CSMD1: variants seen among roughly 807,000 people sequenced by gnomAD.
The protein encoded by CSMD1 is CUB and sushi domain-containing protein 1.
Under a neutral mutation model 417.5 loss-of-function variants are expected in CSMD1, and 213 were observed. The ratio of observed to expected loss-of-function variants is 0.51; its 90% confidence interval spans 0.46 to 0.57. CSMD1 has a LOEUF of 0.57. Ranked by LOEUF, CSMD1 falls within the 20% of genes least tolerant of loss-of-function variation. The probability of loss-of-function intolerance (pLI) is 0.00; values close to 1 mark genes in which losing one functional copy is unlikely to be tolerated. For synonymous variants in CSMD1, 2,862 were observed against 1,736.8 expected, an observed-to-expected ratio of 1.65 and a Z score of -16.11; for missense variants, 6,923 against 4,529.7, an observed-to-expected ratio of 1.53 and a Z score of -15.17.
intron 1 of CSMD1, among the ~76,000 whole-genome samples, chr8:4,664,870 A>T (rs1471960109): frequency 6.6e-6 from 1 of 152,204 alleles, no homozygotes; most frequent in Non-Finnish European, 1.5e-5. Context: ...TATAAAACAC[A>T]ATGTATATAT....
intron 3 of CSMD1, among the ~76,000 whole-genome samples, chr8:4,163,073 T>C (rs1308195485): frequency 6.6e-6 from 1 of 152,212 alleles, no homozygotes; most frequent in Non-Finnish European, 1.5e-5. Flanking sequence ...TCGGTTAATT[T>C]TGTTTTAGCA....
At position 3,454,056 on chromosome 8, in the gene CSMD1, C is replaced by A. The variant is rs924672387; in HGVS notation, c.1561+14656G>T. Among the ~76,000 whole-genome samples the A allele has an allele frequency of 4.8e-4, 73 of 152,114 alleles. 2 individuals carry two copies. The highest frequency in any genetic ancestry group is 5.9e-4 in the Admixed American group (9 of 15,276). On this transcript the variant is annotated intron_variant, in intron 12 of 69. Transcript: ENST00000635120. ...TCTTCTTGTTGAATTGATCCCTTTACCATTATGTAATGGCCTTCTTTGTCT... is the reference window on the plus strand; with the variant it reads ...TCTTCTTGTTGAATTGATCCCTTTAACATTATGTAATGGCCTTCTTTGTCT...
At chr8:4,654,961 G>A (rs750360587) in intron 1 of CSMD1, among the ~76,000 whole-genome samples, 2 of 150,312 alleles carry the variant, frequency 1.3e-5, no homozygotes, top group Non-Finnish European at 2.9e-5. Flanking sequence ...ACAAAAGTTA[G>A]TATTTTTTAA....
Position 4,413,000 on chromosome 8 carries a change from A to AT in CSMD1, c.415+6952dup. 2.0e-5 allele frequency among the ~76,000 whole-genome samples: 3 copies of AT among 152,318 alleles called. No individual in the cohort carries two copies. The Middle Eastern group carries it at 0.01, about 518-fold the overall frequency. On this transcript the variant is annotated intron_variant, in intron 3 of 69. Coordinates refer to ENST00000635120, the MANE Select transcript of CSMD1 (RefSeq NM_033225.6). ...TCTTTATCTTTTCAGTAGTTATGAG[A>AT]TTTTTGACAACTTGAAGTCTATACA... is the stretch of plus-strand genomic sequence containing the variant.
intron 10 of CSMD1, among the ~76,000 whole-genome samples, chr8:3,525,400 T>G (rs1797712105): frequency 6.6e-6 from 1 of 152,152 alleles, no homozygotes; most frequent in African/African-American, 2.4e-5. Context: ...TTCAAGGTAA[T>G]CATAGTAATA....
chr8:3,618,104 C>T (rs971580773), intron 7 of CSMD1, among the ~76,000 whole-genome samples: 4 of 151,998 alleles, frequency 2.6e-5, no homozygotes, highest in East Asian at 1.9e-4. Context: ...CAGGATCAAG[C>T]GATACTCCCG....
chr8:3,938,011 C>G (rs939567320), intron 5 of CSMD1, among the ~76,000 whole-genome samples: 4 of 152,004 alleles, frequency 2.6e-5, no homozygotes, highest in Non-Finnish European at 4.4e-5. Flanking sequence ...ACTATAAAAC[C>G]CAGCATCTAA....
At chr8:4,198,600 G>A (rs568749687) in intron 3 of CSMD1, among the ~76,000 whole-genome samples, 43 of 152,212 alleles carry the variant, frequency 2.8e-4, no homozygotes, top group African/African-American at 9.2e-4. Flanking sequence ...TGATTTTAAC[G>A]TAATGAGTCT....
intron 1 of CSMD1, among the ~76,000 whole-genome samples, chr8:4,950,371 G>C (rs1431877448): frequency 2.0e-5 from 3 of 152,216 alleles, no homozygotes; most frequent in Non-Finnish European, 2.9e-5. Context: ...AATAAGTAGA[G>C]GGTTAATTCA....
chr8:3,341,638 C>T (rs1418960149), intron 23 of CSMD1, among the ~76,000 whole-genome samples: 3 of 152,224 alleles, frequency 2.0e-5, no homozygotes, highest in South Asian at 2.1e-4. Flanking sequence ...CCCAGGCCAA[C>T]GTTTTCTGCT....
intron 44 of CSMD1, 60 bp from the exon 45 acceptor site, chr8:3,107,858 C>G: frequency 1.9e-6 from 2 of 1,071,366 alleles, no homozygotes; most frequent in South Asian, 1.4e-5. Flanking sequence ...ATAAACACAA[C>G]TATTACAAAA....
chr8:3,341,735 C>T (rs927815007), intron 23 of CSMD1, among the ~76,000 whole-genome samples: 3 of 152,080 alleles, frequency 2.0e-5, no homozygotes, highest in Admixed American at 1.3e-4. Flanking sequence ...GGAAGAACGC[C>T]GTAGGTGTGC....
intron 37 of CSMD1, among the ~76,000 whole-genome samples, chr8:3,165,825 C>G (rs778868951): frequency 6.6e-6 from 1 of 152,070 alleles, no homozygotes; most frequent in Non-Finnish European, 1.5e-5. Context: ...CAGGAGAACT[C>G]TGAGCTTTTT....
At chr8:4,237,842 A>G (rs1428751064) in intron 3 of CSMD1, among the ~76,000 whole-genome samples, 2 of 152,200 alleles carry the variant, frequency 1.3e-5, no homozygotes, top group Admixed American at 6.5e-5. Flanking sequence ...GGGAAGCTTT[A>G]TATTGTATTA....
At chr8:3,449,563 G>T (rs1815555772) in intron 12 of CSMD1, among the ~76,000 whole-genome samples, 2 of 151,668 alleles carry the variant, frequency 1.3e-5, no homozygotes, top group African/African-American at 2.4e-5. Context: ...TGTTGCCCAG[G>T]CTGGAGTGCA....
chr8:4,266,789 A>C (rs1317589556), intron 3 of CSMD1, among the ~76,000 whole-genome samples: 2 of 105,166 alleles, frequency 1.9e-5, no homozygotes, highest in East Asian at 5.1e-4. Context: ...CAGAGAATCT[A>C]GATGAAAACT....
intron 30 of CSMD1, among the ~76,000 whole-genome samples, chr8:3,212,005 A>G (rs1797640347): frequency 6.6e-6 from 1 of 152,080 alleles, no homozygotes; most frequent in African/African-American, 2.4e-5. Flanking sequence ...TGCCCACCTC[A>G]CCAAGTGACA....
At chr8:3,815,624 TTC>T (rs1257563255) in intron 5 of CSMD1, among the ~76,000 whole-genome samples, 27 of 56,190 alleles carry the variant, frequency 4.8e-4, no homozygotes, top group East Asian at 1.9e-3. Flanking sequence ...CTGCTAGACT[TTC>T]TTTTTTTTTT....
At chr8:3,458,342 A>C (rs1460523027) in intron 12 of CSMD1, among the ~76,000 whole-genome samples, 1 of 152,192 alleles carries the variant, frequency 6.6e-6, no homozygotes, top group East Asian at 1.9e-4. Flanking sequence ...ATCTCACATT[A>C]TTAAGAGGAA....
Sources: allele counts gnomAD v4.1 joint callset (sites outside exome capture counted in the v4.1 genomes callset), GRCh38; gene constraint gnomAD v4.1.1; transcripts MANE v1.5; gene names NCBI Gene and HGNC (gene_info 2026-07-23, HGNC 2026-07-21).